Variants in ALG12 observed in about 807,000 individuals in gnomAD.
The protein encoded by ALG12 is dol-P-Man:Man(7)GlcNAc(2)-PP-Dol alpha-1,6-mannosyltransferase.
Under a neutral mutation model 46.0 loss-of-function variants are expected in ALG12, and 36 were observed. That is an observed-to-expected ratio of 0.78 (90% CI 0.60 to 1.03). The LOEUF is 1.03. ALG12 is among the 50% of genes least tolerant of loss of function. The pLI is 0.00. For synonymous variants in ALG12, 326 were observed against 291.6 expected (o/e 1.12, Z -1.20); for missense variants, 599 against 633.5 (o/e 0.95, Z 0.58).
At chr22:49,862,354 C>G in the ALG12 span, among the ~76,000 whole-genome samples, 4 of 152,202 alleles carry the variant, frequency 2.6e-5, no homozygotes, top group African/African-American at 7.2e-5. Flanking sequence ...AGTCTCTCAC[C>G]GTGGCCTGCA....
the ALG12 span, chr22:49,886,690 C>A: frequency 3.1e-6 from 5 of 1,612,952 alleles, no homozygotes; most frequent in Non-Finnish European, 4.2e-6. This position sits in a 1 kb window ranked among gnomAD's most constrained non-coding sequence, Gnocchi z 7.7. Flanking sequence ...GCTGCTGGAT[C>A]CTCGCTACAA....
At chr22:49,862,639 A>G in the ALG12 span, among the ~76,000 whole-genome samples, 6 of 120,382 alleles carry the variant, frequency 5.0e-5, no homozygotes, top group Non-Finnish European at 8.5e-5. Flanking sequence ...CTACTTCCTT[A>G]TTCTTTGTTG....
chr22:49,885,640 A>C, the ALG12 span: 1 of 1,612,230 alleles, frequency 6.2e-7, no homozygotes, highest in Non-Finnish European at 8.5e-7. Context: ...AAAAATCACA[A>C]GTCTCATAGC....
chr22:49,913,363 C>G (rs774006943), intron 3 of ALG12, 22 bp downstream of exon 3: 4 of 1,613,464 alleles, frequency 2.5e-6, no homozygotes, highest in East Asian at 2.2e-5. Context: ...ACTCCCTCCT[C>G]CTTTGTTGAA....
At chr22:49,859,465 G>C in the ALG12 span, among the ~76,000 whole-genome samples, 3 of 152,092 alleles carry the variant, frequency 2.0e-5, no homozygotes, top group Non-Finnish European at 2.9e-5. Flanking sequence ...ACGTGGTCCT[G>C]GGAATGCATC....
At chr22:49,866,795 G>A in the ALG12 span, among the ~76,000 whole-genome samples, 2 of 152,110 alleles carry the variant, frequency 1.3e-5, no homozygotes, top group African/African-American at 4.8e-5. Flanking sequence ...ACCACAAACC[G>A]AGTGGCTTCA....
At chr22:49,899,684 A>G (rs1431601736), downstream of ALG12, among the ~76,000 whole-genome samples, 2 of 150,002 alleles carry the variant, frequency 1.3e-5, no homozygotes, top group African/African-American at 5.1e-5. Flanking sequence ...ACCTCAAACA[A>G]TATGAAAGTA....
At chr22:49,909,109 G>T in intron 6 of ALG12, 135 bp downstream of exon 6, 2 of 925,686 alleles carry the variant, frequency 2.2e-6, no homozygotes, top group Non-Finnish European at 3.5e-6. Flanking sequence ...GCAAGTGGGA[G>T]GGAGGGGCTC....
chr22:49,883,597 C>A, the ALG12 span: 1 of 1,454,566 alleles, frequency 6.9e-7, no homozygotes. Flanking sequence ...CATTCGGGGG[C>A]ACAAATGAGC....
rs1709601448 is a variant in ALG12 at position 49,903,937 on chromosome 22, C to T, written c.1368G>A (p.Gly456=). The T allele has an allele frequency of 3.1e-6, 5 of 1,614,086 alleles. No individual in the cohort carries two copies. Among genetic ancestry groups the T allele is most frequent in the East Asian group, 4.5e-5 (2 of 44,890 alleles). The change falls in exon 10 of 10, where the codon GGG becomes GGA. Residue 456 remains glycine, a synonymous_variant. Transcript: ENST00000330817. ...TCAGGTTCAGACTCACACCTGTGGT[C>T]CCCACGACGCTGGCCAGGACCCGGT... is the stretch of plus-strand genomic sequence containing the variant. ...DTHRVLASVV[G]TTGVSLNLTQ...
chr22:49,877,084 T>C, the ALG12 span, among the ~76,000 whole-genome samples: 2 of 152,182 alleles, frequency 1.3e-5, no homozygotes, highest in African/African-American at 4.8e-5. Context: ...AGAGTGTGTT[T>C]ATGTAAAAGT....
chr22:49,914,240 G>C (rs1340600931), intron 1 of ALG12, among the ~76,000 whole-genome samples: 2 of 152,238 alleles, frequency 1.3e-5, no homozygotes, highest in Non-Finnish European at 2.9e-5. Context: ...GGGAGGCTGA[G>C]GGGTGCCAGT....
the ALG12 span, among the ~76,000 whole-genome samples, chr22:49,863,843 G>A: frequency 7.9e-5 from 12 of 152,280 alleles, no homozygotes; most frequent in Non-Finnish European, 1.5e-4. Context: ...TTAGGGATTT[G>A]ATGTTGGTAT....
the ALG12 span, among the ~76,000 whole-genome samples, chr22:49,876,812 G>A: frequency 6.6e-6 from 1 of 152,156 alleles, no homozygotes; most frequent in Non-Finnish European, 1.5e-5. Context: ...GTTTTTAGTA[G>A]TGGTATTTCC....
intron 6 of ALG12, 44 bp downstream of exon 6, chr22:49,909,200 G>A (rs1463320353): frequency 1.3e-6 from 2 of 1,586,198 alleles, no homozygotes; most frequent in African/African-American, 2.7e-5. Context: ...AGATGTGGCT[G>A]CAGGTCCCAC....
At chr22:49,861,657 G>A in the ALG12 span, among the ~76,000 whole-genome samples, 1 of 152,064 alleles carries the variant, frequency 6.6e-6, no homozygotes, top group Non-Finnish European at 1.5e-5. Flanking sequence ...GGCTGGTCTT[G>A]AACTCTTGGG....
rs116366659 is a variant in ALG12, at chr22:49,905,340, G to A, written c.993-834C>T. Among the ~76,000 whole-genome samples the A allele has an allele frequency of 3.6e-3, 551 of 152,238 alleles. 3 individuals are homozygous for A. Among genetic ancestry groups the A allele is most frequent in the African/African-American group, 0.012 (513 of 41,532 alleles). ...CTCTTCCAAACCCACCAGGCTCCTCGGAGCCCTCTTCTCCACAGGCCCTGC... is the reference window on the plus strand; with the variant it reads ...CTCTTCCAAACCCACCAGGCTCCTCAGAGCCCTCTTCTCCACAGGCCCTGC... On this transcript the variant is annotated intron_variant, in intron 7 of 9. Transcript: ENST00000330817. This position sits in a 1 kb window ranked among gnomAD's most constrained non-coding sequence, Gnocchi z 4.9.
rs2060536306 is a variant in ALG12 at position 49,905,231 on chromosome 22, A to G, written c.993-725T>C. On this transcript the variant is annotated intron_variant, in intron 7 of 9. Transcript: ENST00000330817. The surrounding 1 kb of genome is among the most constrained non-coding windows in gnomAD (Gnocchi z 4.9). ...GCCACAGACAGTGTGGCCCACGAAG[A>G]TGAGGCTCTTTATTAGCTGGTCCTT... is the stretch of plus-strand genomic sequence containing the variant. 3.3e-5 allele frequency among the ~76,000 whole-genome samples: 5 copies of G among 152,262 alleles called. No homozygotes were observed. The highest frequency in any genetic ancestry group is 3.3e-4 in the Admixed American group (5 of 15,300).
At chr22:49,874,201 C>T in the ALG12 span, among the ~76,000 whole-genome samples, 1 of 152,194 alleles carries the variant, frequency 6.6e-6, no homozygotes, top group Admixed American at 6.5e-5. Context: ...CTCACTCTTT[C>T]ACTGATGAGT....
Sources: allele counts gnomAD v4.1 joint callset (sites outside exome capture counted in the v4.1 genomes callset), GRCh38; gene constraint gnomAD v4.1.1; non-coding constraint Gnocchi (gnomAD v3.1); transcripts MANE v1.5; gene names NCBI Gene and HGNC (gene_info 2026-07-23, HGNC 2026-07-21).